SASS6: variants seen among roughly 807,000 people sequenced by gnomAD.
SASS6 encodes the protein SAS-6 centriolar assembly protein, also known as spindle assembly abnormal protein 6 homolog.
SASS6 carries 59 observed loss-of-function variants against 94.9 expected under a neutral mutation model. That is an observed-to-expected ratio of 0.62 (90% confidence interval 0.50 to 0.77). SASS6 has a LOEUF of 0.77. Ranked by LOEUF, SASS6 falls within the 30% of genes least tolerant of loss-of-function variation. The pLI is 0.00. For missense variants in SASS6, 698 were observed against 734.1 expected (o/e 0.95, Z 0.57); for synonymous variants, 264 against 270.0 (o/e 0.98, Z 0.22).
chr1:100,109,611 A>G (rs1421170120), intron 8 of SASS6, among the ~76,000 whole-genome samples: 1 of 152,020 alleles, frequency 6.6e-6, no homozygotes, highest in African/African-American at 2.4e-5. Context: ...AATAAAATAA[A>G]AAATAAAAAT....
chr1:100,115,216 G>C (rs1397979333), intron 7 of SASS6, among the ~76,000 whole-genome samples: 1 of 152,118 alleles, frequency 6.6e-6, no homozygotes, highest in East Asian at 1.9e-4. Context: ...AATTTAGTAA[G>C]GTGGCTGGAT....
chr1:100,087,033 G>A (rs986533540), intron 15 of SASS6, among the ~76,000 whole-genome samples: 1 of 152,068 alleles, frequency 6.6e-6, no homozygotes, highest in African/African-American at 2.4e-5. Flanking sequence ...GCCCAGGCTG[G>A]AGCACAGTGG....
At chr1:100,108,988 A>T (rs947228730) in intron 8 of SASS6, among the ~76,000 whole-genome samples, 1 of 151,270 alleles carries the variant, frequency 6.6e-6, no homozygotes, top group Non-Finnish European at 1.5e-5. Context: ...AGTTAAAAAA[A>T]AAAGCTCCAA....
chr1:100,125,171 G>A lies in SASS6; in HGVS notation c.126+711C>T, dbSNP rs572144810. On this transcript the variant is annotated intron_variant, in intron 2 of 16. Transcript: ENST00000287482. ...CACAAATATCTCCCTGCAGTACTTC[G>A]GTTTATTGTTTTTACATTTATACCA... 7.3e-5 allele frequency among the ~76,000 whole-genome samples: 11 copies of A among 150,984 alleles called. No individual in the cohort carries two copies. In the South Asian group the frequency reaches 1.3e-3, roughly 17 times the overall value.
At position 100,132,928 on chromosome 1, in the gene SASS6, G is replaced by A. The variant is rs1655204836; in HGVS notation, c.-114C>T. On this transcript the variant is annotated 5_prime_UTR_variant, in exon 1 of 17. Coordinates refer to ENST00000287482, the MANE Select transcript of SASS6 (RefSeq NM_194292.3). The stretch of plus-strand genomic sequence containing the variant: ...TTGAGTTTGGCGCTCGGCTTCTGCG[G>A]AGGAGGCGGGGAGGGAGAAACGAGG... 1 of 1,118,712 alleles carries A rather than the reference G, an allele frequency of 8.9e-7. No homozygotes were observed. The highest frequency in any genetic ancestry group is 1.3e-6 in the Non-Finnish European group (1 of 754,656). The allele number at this position is 1,118,712 out of a possible 1,614,324, so 69.3% of individuals were successfully genotyped here.
At chr1:100,127,766 A>G (rs1654720407) in intron 1 of SASS6, among the ~76,000 whole-genome samples, 1 of 145,312 alleles carries the variant, frequency 6.9e-6, no homozygotes, top group South Asian at 2.2e-4. Context: ...GCAGGAGGAT[A>G]GCTTGAGCCC....
intron 7 of SASS6, among the ~76,000 whole-genome samples, chr1:100,113,690 G>A (rs1653564697): frequency 6.6e-6 from 1 of 151,394 alleles, no homozygotes; most frequent in Non-Finnish European, 1.5e-5. Flanking sequence ...GAAATAGGGG[G>A]AGAAACAGTG....
intron 2 of SASS6, among the ~76,000 whole-genome samples, chr1:100,124,932 T>C (rs1234961534): frequency 2.0e-5 from 3 of 152,066 alleles, no homozygotes; most frequent in Non-Finnish European, 4.4e-5. Context: ...AGGAGGTGGA[T>C]CGTAGGAGGT....
chr1:100,089,343 GAAT>G (rs1213792177), intron 14 of SASS6, among the ~76,000 whole-genome samples: 1 of 151,942 alleles, frequency 6.6e-6, no homozygotes, highest in East Asian at 1.9e-4. Context: ...AAAGAAATGT[GAAT>G]AATGACTAGA....
chr1:100,107,598 A>C, intron 10 of SASS6, 30 bp downstream of exon 10: 1 of 1,552,046 alleles, frequency 6.4e-7, no homozygotes, highest in Non-Finnish European at 8.8e-7. Context: ...ATTTAATGAA[A>C]TACTAGTCTA....
At chr1:100,121,051 A>G (rs1483728027) in intron 5 of SASS6, among the ~76,000 whole-genome samples, 1 of 146,776 alleles carries the variant, frequency 6.8e-6, no homozygotes, top group African/African-American at 2.5e-5. Context: ...CTCCGTCTCA[A>G]AAAAAAAAAA....
intron 1 of SASS6, among the ~76,000 whole-genome samples, chr1:100,128,111 A>T (rs1199644271): frequency 4.6e-5 from 7 of 152,048 alleles, no homozygotes. Context: ...ATCTTGGCTC[A>T]CTGCAACCTC....
At chr1:100,090,132 C>T (rs1651573910) in intron 14 of SASS6, among the ~76,000 whole-genome samples, 1 of 151,610 alleles carries the variant, frequency 6.6e-6, no homozygotes, top group South Asian at 2.1e-4. Context: ...AAATAAAATG[C>T]ACAAAACTAA....
chr1:100,106,000 A>G (rs1016828867), intron 12 of SASS6, 97 bp from the exon 13 acceptor site: 10 of 848,670 alleles, frequency 1.2e-5, no homozygotes, highest in African/African-American at 1.8e-5. Context: ...TTTTTAAATT[A>G]TAAGTTTTTA....
chr1:100,091,374 C>T (rs1651668774), intron 14 of SASS6, among the ~76,000 whole-genome samples: 1 of 151,604 alleles, frequency 6.6e-6, no homozygotes, highest in Admixed American at 6.6e-5. Context: ...TGATTGTTTG[C>T]TTAAAAAAAA....
At chr1:100,114,493 G>A (rs1212176217) in intron 7 of SASS6, among the ~76,000 whole-genome samples, 1 of 150,846 alleles carries the variant, frequency 6.6e-6, no homozygotes, top group East Asian at 1.9e-4. Flanking sequence ...AGTCCAGCCT[G>A]ACCAACATAG....
chr1:100,110,124 G>A (rs1653194686), intron 8 of SASS6, among the ~76,000 whole-genome samples, 168 bp downstream of exon 8: 1 of 151,912 alleles, frequency 6.6e-6, no homozygotes, highest in African/African-American at 2.4e-5. Context: ...TATGAATTAT[G>A]CTTTTTATCA....
chr1:100,125,532 A>C (rs58685010), intron 2 of SASS6, among the ~76,000 whole-genome samples: 4,830 of 151,660 alleles, frequency 0.032, 283 homozygotes, highest in African/African-American at 0.11. Context: ...TACAAAAATT[A>C]GCTGGGCGTG....
intron 7 of SASS6, among the ~76,000 whole-genome samples, chr1:100,112,285 T>C (rs1042655216): frequency 6.6e-6 from 1 of 151,944 alleles, no homozygotes; most frequent in Admixed American, 6.6e-5. Flanking sequence ...AATAATGATA[T>C]GAATGGGAAA....
Sources: allele counts gnomAD v4.1 joint callset (sites outside exome capture counted in the v4.1 genomes callset), GRCh38; gene constraint gnomAD v4.1.1; transcripts MANE v1.5; gene names NCBI Gene and HGNC (gene_info 2026-07-23, HGNC 2026-07-21).